The following CFAP299 variants were observed in gnomAD, a reference collection of about 807,000 sequenced individuals.
CFAP299 encodes cilia- and flagella-associated protein 299.
CFAP299 carries 21 observed loss-of-function variants against 27.0 expected under a neutral mutation model. That is an observed-to-expected ratio of 0.78 (90% CI 0.55 to 1.12). CFAP299 has a LOEUF of 1.12. Ranked by LOEUF, CFAP299 falls within the 50% of genes most tolerant of loss-of-function variation. CFAP299 has a pLI of 0.00. For missense variants in CFAP299, 310 were observed against 276.6 expected (o/e 1.12, Z -0.86); for synonymous variants, 104 against 98.1 (o/e 1.06, Z -0.36).
Position 80,390,546 on chromosome 4 carries a change from C to A in CFAP299, c.242+27662C>A, listed in dbSNP as rs76394272. 1.8e-4 allele frequency among the ~76,000 whole-genome samples: 4 copies of A among 21,730 alleles called. No individual in the cohort carries two copies. The South Asian group carries it at 6.8e-3, about 37-fold the overall frequency. 14.3% of individuals were successfully genotyped at this position (21,730 alleles called of 152,430 possible). On this transcript the variant is annotated intron_variant, in intron 2 of 5. Coordinates refer to ENST00000358105, the MANE Select transcript of CFAP299 (RefSeq NM_152770.3). ...GTATATATGTATATATGTATACACA[C>A]ATATATGTATATATGTATATATGTA...
chr4:80,705,426 T>C (rs1721762982), intron 3 of CFAP299, among the ~76,000 whole-genome samples: 1 of 151,864 alleles, frequency 6.6e-6, no homozygotes, highest in Admixed American at 6.6e-5. Flanking sequence ...TAAGCTAGCC[T>C]AAAAATGTTG....
chr4:80,892,901 T>C (rs1476453592), intron 4 of CFAP299, among the ~76,000 whole-genome samples: 2 of 151,826 alleles, frequency 1.3e-5, no homozygotes, highest in East Asian at 1.9e-4. Flanking sequence ...GATGAAGAAA[T>C]TAAAGGCTTC....
chr4:80,653,021 CAT>C (rs1238218189), intron 3 of CFAP299, among the ~76,000 whole-genome samples: 1 of 152,088 alleles, frequency 6.6e-6, no homozygotes, highest in Non-Finnish European at 1.5e-5. Context: ...TTGTATTTCT[CAT>C]GTGAATTTAG....
Position 80,757,703 on chromosome 4 carries a change from TTTTGTTTG to T in CFAP299, c.334-112273_334-112266del, listed in dbSNP as rs559737877. Among the ~76,000 whole-genome samples the T allele has an allele frequency of 8.4e-3, 1,278 of 152,182 alleles. 11 individuals are homozygous for T. Among genetic ancestry groups the T allele is most frequent in the African/African-American group, 0.029 (1,182 of 41,472 alleles). ...TTCACAAAGTCAGGTTTTTTGTTTT[TTTTGTTTG>T]TTTGTTTGTTTGTTTGGTTTGGTTT... On this transcript the variant is annotated intron_variant, in intron 3 of 5. Coordinates refer to ENST00000358105, the MANE Select transcript of CFAP299 (RefSeq NM_152770.3).
chr4:80,439,951 C>T lies in CFAP299; in HGVS notation c.242+77067C>T, dbSNP rs548643222. Among the ~76,000 whole-genome samples, 24 of 152,266 alleles carry T rather than the reference C, an allele frequency of 1.6e-4. No individual in the cohort carries two copies. The East Asian group carries it at 2.9e-3, about 18-fold the overall frequency. ...AAGCTGCCAGGAAGTTCGAACTGGGCGGAACCCCCAACAGCTCTGCAAAGC... is the reference window on the plus strand; with the variant it reads ...AAGCTGCCAGGAAGTTCGAACTGGGTGGAACCCCCAACAGCTCTGCAAAGC... On this transcript the variant is annotated intron_variant, in intron 2 of 5. Transcript: ENST00000358105.
At chr4:80,947,392 G>A (rs1737531266) in intron 5 of CFAP299, among the ~76,000 whole-genome samples, 1 of 152,142 alleles carries the variant, frequency 6.6e-6, no homozygotes, top group Non-Finnish European at 1.5e-5. Context: ...GTTGGTCTCA[G>A]CATTAGTAAA....
At chr4:80,497,683 A>G (rs1330332165) in intron 2 of CFAP299, among the ~76,000 whole-genome samples, 1 of 152,090 alleles carries the variant, frequency 6.6e-6, no homozygotes, top group Non-Finnish European at 1.5e-5. Flanking sequence ...CATACATTCC[A>G]CTTTGAAACT....
At chr4:80,769,177 C>G (rs1055642874) in intron 3 of CFAP299, among the ~76,000 whole-genome samples, 1 of 152,098 alleles carries the variant, frequency 6.6e-6, no homozygotes, top group Non-Finnish European at 1.5e-5. Context: ...TTGTTTAGTG[C>G]TTAGTAGGTG....
chr4:80,609,669 A>T (rs538208260), intron 3 of CFAP299, among the ~76,000 whole-genome samples: 1 of 152,016 alleles, frequency 6.6e-6, no homozygotes, highest in East Asian at 1.9e-4. Context: ...AATGTGTACC[A>T]CTTTTCCTAT....
At chr4:80,828,915 C>G (rs764858199) in intron 3 of CFAP299, among the ~76,000 whole-genome samples, 7 of 151,940 alleles carry the variant, frequency 4.6e-5, no homozygotes, top group Admixed American at 2.0e-4. Context: ...TCTTAACTAA[C>G]ATCACATAAA....
At chr4:80,416,871 C>A (rs1727037524) in intron 2 of CFAP299, among the ~76,000 whole-genome samples, 1 of 152,118 alleles carries the variant, frequency 6.6e-6, no homozygotes, top group Non-Finnish European at 1.5e-5. Context: ...GAAAAGAGTT[C>A]CTATCCAGAC....
intron 2 of CFAP299, among the ~76,000 whole-genome samples, chr4:80,480,248 A>C (rs532707164): frequency 3.3e-5 from 5 of 151,050 alleles, no homozygotes; most frequent in Admixed American, 2.0e-4. Flanking sequence ...TGGTGTTAAA[A>C]GGTAAACTGA....
At chr4:80,449,276 T>C (rs1269547365) in intron 2 of CFAP299, among the ~76,000 whole-genome samples, 1 of 151,626 alleles carries the variant, frequency 6.6e-6, no homozygotes, top group Non-Finnish European at 1.5e-5. Flanking sequence ...CAACTAAAAA[T>C]CTTAAGTTTT....
intron 1 of CFAP299, among the ~76,000 whole-genome samples, chr4:80,344,325 C>T (rs777712221): frequency 1.1e-4 from 17 of 151,510 alleles, no homozygotes; most frequent in Non-Finnish European, 1.9e-4. Context: ...AAGATATCAC[C>T]ACTGACCCCA....
intron 4 of CFAP299, among the ~76,000 whole-genome samples, chr4:80,940,432 T>C (rs1375851619): frequency 1.3e-5 from 2 of 152,184 alleles, no homozygotes; most frequent in Non-Finnish European, 2.9e-5. Context: ...GGCCCTAGGC[T>C]ATGCTGCCTT....
rs559780154 is a variant in CFAP299, at chr4:80,949,953, C to T, written c.606+5014C>T. On this transcript the variant is annotated intron_variant, in intron 5 of 5. Transcript: ENST00000358105. ...AAGCTGGAGAAGACAAGCAGAATAA[C>T]AGTAACCCAGGTGAAAAGTAAAAAG... Among the ~76,000 whole-genome samples, 3 of 152,202 alleles carry T rather than the reference C, an allele frequency of 2.0e-5. No homozygotes were observed. In the East Asian group the frequency reaches 5.8e-4, roughly 29 times the overall value.
At chr4:80,530,057 A>G (rs139132216) in intron 2 of CFAP299, among the ~76,000 whole-genome samples, 90 of 152,340 alleles carry the variant, frequency 5.9e-4, no homozygotes, top group African/African-American at 2.0e-3. Flanking sequence ...GACTATAATT[A>G]CTAATTTTTA....
intron 3 of CFAP299, among the ~76,000 whole-genome samples, chr4:80,786,762 A>G (rs571420693): frequency 6.6e-6 from 1 of 152,266 alleles, no homozygotes; most frequent in South Asian, 2.1e-4. Context: ...CAGCCACTGG[A>G]GGCCCCAGAG....
chr4:80,929,202 A>T (rs1231466158), intron 4 of CFAP299, among the ~76,000 whole-genome samples: 1 of 152,008 alleles, frequency 6.6e-6, no homozygotes, highest in African/African-American at 2.4e-5. Flanking sequence ...TCCAGTATCT[A>T]TGGCACCATT....
Sources: allele counts gnomAD v4.1 joint callset (sites outside exome capture counted in the v4.1 genomes callset), GRCh38; gene constraint gnomAD v4.1.1; transcripts MANE v1.5; gene names NCBI Gene and HGNC (gene_info 2026-07-23, HGNC 2026-07-21).